Variants in PDE4D observed in about 807,000 individuals in gnomAD.
PDE4D encodes 3',5'-cyclic-AMP phosphodiesterase 4D.
A neutral mutation model predicts 87.4 loss-of-function variants in PDE4D; 24 were observed. The ratio of observed to expected loss-of-function variants is 0.27; its 90% CI spans 0.20 to 0.39. PDE4D has a LOEUF of 0.39. PDE4D is among the 10% of genes least tolerant of loss of function. The pLI is 1.00. For missense variants in PDE4D, 714 were observed against 1,041.0 expected, an observed-to-expected ratio of 0.69 and a Z score of 4.32; for synonymous variants, 384 against 383.2, an observed-to-expected ratio of 1.00 and a Z score of -0.02.
At chr5:59,769,910 T>C (rs1249125424) in intron 1 of PDE4D, among the ~76,000 whole-genome samples, 2 of 152,244 alleles carry the variant, frequency 1.3e-5, no homozygotes, top group Non-Finnish European at 2.9e-5. Flanking sequence ...ATTTTAAAAG[T>C]TTATTCTGTT....
chr5:59,453,641 C>T (rs1196592735), intron 1 of PDE4D, among the ~76,000 whole-genome samples: 1 of 152,184 alleles, frequency 6.6e-6, no homozygotes, highest in African/African-American at 2.4e-5. Flanking sequence ...AAGGCCTTAA[C>T]TCTCTTCAAT....
Position 59,068,518 on chromosome 5 carries a change from G to A in PDE4D, c.809-29547C>T, listed in dbSNP as rs149134560. The stretch of plus-strand genomic sequence containing the variant: ...TTTCTATGCCCAAGGATCCTATCCC[G>A]TGGAGTGTAGAGTCAAGCAAAGAAT... On this transcript the variant is annotated intron_variant, in intron 5 of 14. Coordinates refer to ENST00000340635, the MANE Select transcript of PDE4D (RefSeq NM_001104631.2). Among the ~76,000 whole-genome samples, 793 of 152,234 alleles carry A rather than the reference G, an allele frequency of 5.2e-3. 14 individuals are homozygous for A. The highest frequency in any genetic ancestry group is 5.1e-3 in the Non-Finnish European group (350 of 68,008).
At chr5:59,181,841 C>T (rs897927989) in intron 4 of PDE4D, among the ~76,000 whole-genome samples, 14 of 152,204 alleles carry the variant, frequency 9.2e-5, no homozygotes, top group African/African-American at 2.9e-4. Flanking sequence ...TGCTTTGCTG[C>T]CTTAGTTTGA....
chr5:59,489,180 G>T (rs888895730), intron 1 of PDE4D, among the ~76,000 whole-genome samples: 1 of 151,044 alleles, frequency 6.6e-6, no homozygotes, highest in Admixed American at 6.6e-5. Flanking sequence ...CAGGAGAATC[G>T]CTTGAACCCT....
intron 2 of PDE4D, among the ~76,000 whole-genome samples, chr5:60,054,166 C>T (rs1172733693): frequency 6.6e-6 from 1 of 152,000 alleles, no homozygotes; most frequent in Non-Finnish European, 1.5e-5. Flanking sequence ...ACCATTTGAC[C>T]CAGCAATCCC....
intron 1 of PDE4D, among the ~76,000 whole-genome samples, chr5:59,306,075 T>C (rs1366922217): frequency 6.6e-6 from 1 of 152,208 alleles, no homozygotes; most frequent in African/African-American, 2.4e-5. Flanking sequence ...GGCTCCATTG[T>C]TAAGTGAATA....
chr5:59,276,155 C>T lies in PDE4D; in HGVS notation c.456-60187G>A, dbSNP rs189535709. 2.2e-4 allele frequency: 216 copies of T among 979,106 alleles called. No individual in the cohort carries two copies. In the African/African-American group the frequency reaches 3.5e-3, roughly 16 times the overall value. 60.7% of individuals were successfully genotyped at this position (979,106 alleles called of 1,614,324 possible). On this transcript the variant is annotated intron_variant, in intron 1 of 14. Coordinates refer to ENST00000340635, the MANE Select transcript of PDE4D (RefSeq NM_001104631.2). ...AAAAAAAAAAAAAAGAAAAGCCCAG[C>T]GCCCAGCCTAGCCTCGTCAATTGCT...
chr5:60,498,755 A>G (rs188955496), intron 1 of PDE4D, among the ~76,000 whole-genome samples: 1 of 152,290 alleles, frequency 6.6e-6, no homozygotes, highest in East Asian at 1.9e-4. Context: ...GTTCAAATTT[A>G]GCCAATTCCA....
At chr5:59,586,690 T>C in intron 1 of PDE4D, 1 of 985,414 alleles carries the variant, frequency 1.0e-6, no homozygotes, top group Non-Finnish European at 1.2e-6. Flanking sequence ...GTGGCAAATA[T>C]TGTCCTGGTA....
intron 1 of PDE4D, among the ~76,000 whole-genome samples, chr5:60,451,422 A>G (rs1016374592): frequency 2.6e-5 from 4 of 152,018 alleles, no homozygotes; most frequent in African/African-American, 7.2e-5. Flanking sequence ...CCTCTTTGCT[A>G]CTTCTATAAT....
chr5:59,395,187 T>A (rs1582362922), intron 1 of PDE4D, among the ~76,000 whole-genome samples: 1 of 151,616 alleles, frequency 6.6e-6, no homozygotes, highest in African/African-American at 2.4e-5. Context: ...CTTGCTTAGG[T>A]AAACAAAGCA....
At chr5:59,277,606 C>T (rs1024646677) in intron 1 of PDE4D, among the ~76,000 whole-genome samples, 3 of 152,106 alleles carry the variant, frequency 2.0e-5, no homozygotes, top group South Asian at 2.1e-4. Flanking sequence ...CTGTTCCCTC[C>T]ATGTAAGGTC....
intron 2 of PDE4D, among the ~76,000 whole-genome samples, chr5:60,017,209 A>T (rs561545670): frequency 6.6e-6 from 1 of 152,342 alleles, no homozygotes; most frequent in African/African-American, 2.4e-5. Flanking sequence ...TATTCAGTAT[A>T]TCATGCTGCA....
chr5:60,126,492 T>C (rs1458406146), intron 2 of PDE4D, among the ~76,000 whole-genome samples: 1 of 152,100 alleles, frequency 6.6e-6, no homozygotes, highest in Admixed American at 6.6e-5. Context: ...GGCTAAAAAA[T>C]GAAATGGGAA....
At chr5:59,407,473 G>A (rs1432216131) in intron 1 of PDE4D, among the ~76,000 whole-genome samples, 3 of 152,114 alleles carry the variant, frequency 2.0e-5, no homozygotes, top group African/African-American at 7.2e-5. Context: ...CCAAGGAGTG[G>A]GGCATTGCTA....
intron 1 of PDE4D, among the ~76,000 whole-genome samples, chr5:59,881,355 T>C (rs2152746012): frequency 6.6e-6 from 1 of 152,228 alleles, no homozygotes; most frequent in South Asian, 2.1e-4. Context: ...ATGTCCTTAT[T>C]ATCATTTTTT....
intron 1 of PDE4D, among the ~76,000 whole-genome samples, chr5:59,677,419 T>C (rs1056628008): frequency 7.2e-5 from 11 of 152,190 alleles, no homozygotes; most frequent in African/African-American, 2.2e-4. Context: ...TTATTAACTC[T>C]TGTCACACTA....
At position 60,223,426 on chromosome 5, in the gene PDE4D, A is replaced by G. The variant is rs1254043988; in HGVS notation, c.-89-37739T>C. 3.3e-5 allele frequency among the ~76,000 whole-genome samples: 5 copies of G among 152,146 alleles called. No individual in the cohort carries two copies. In the South Asian group the frequency reaches 6.2e-4, roughly 19 times the overall value. On this transcript the variant is annotated intron_variant, in intron 1 of 16. Coordinates refer to the PDE4D transcript ENST00000502484. ...GAAGAGAACAATACTGAATGAGGGC[A>G]TGGGACACCACAAGAATTCTAAGCA...
At chr5:60,130,594 A>T (rs1000668622) in intron 2 of PDE4D, among the ~76,000 whole-genome samples, 2 of 152,080 alleles carry the variant, frequency 1.3e-5, no homozygotes, top group Non-Finnish European at 2.9e-5. Flanking sequence ...ATGGCAAGAG[A>T]CTCTTAAAAA....
Sources: gnomAD v4.1 joint callset for allele counts (sites outside exome capture counted in the v4.1 genomes callset) on GRCh38, gnomAD v4.1.1 for gene constraint, MANE v1.5 for transcripts, NCBI Gene and HGNC (gene_info 2026-07-23, HGNC 2026-07-21) for gene names.